TSPAN5: variants seen among roughly 807,000 people sequenced by gnomAD.
The protein encoded by TSPAN5 is tetraspanin-5.
In TSPAN5, 10 loss-of-function variants were observed where a neutral mutation model predicts 37.1. That is an observed-to-expected ratio of 0.27 (90% CI 0.17 to 0.46). The LOEUF (loss-of-function observed/expected upper bound fraction) is 0.46, where lower values mean the gene tolerates loss of function less well. TSPAN5 is among the 20% of genes least tolerant of loss of function. TSPAN5 has a pLI of 1.00. For missense variants in TSPAN5, 195 were observed against 326.6 expected (o/e 0.60, Z 3.11); for synonymous variants, 110 against 118.9 (o/e 0.93, Z 0.48).
chr4:98,487,031 G>A (rs1752977971), intron 2 of TSPAN5, 147 bp from the exon 3 acceptor site: 3 of 589,254 alleles, frequency 5.1e-6, no homozygotes, highest in East Asian at 3.1e-5. Flanking sequence ...ATACTTAAGA[G>A]AGGAAAGAAA....
At chr4:98,574,753 C>T (rs1294793744) in intron 1 of TSPAN5, 3 of 152,176 alleles carry the variant, frequency 2.0e-5, no homozygotes, top group Admixed American at 1.3e-4. Context: ...CCTAAAAGCA[C>T]GAAGGGTGCC....
At chr4:98,615,589 G>A (rs1269302042) in intron 1 of TSPAN5, among the ~76,000 whole-genome samples, 1 of 152,220 alleles carries the variant, frequency 6.6e-6, no homozygotes, top group African/African-American at 2.4e-5. Flanking sequence ...GGGAGGCCAA[G>A]GCAGGCAGAT....
chr4:98,553,717 A>G (rs1220082821), intron 1 of TSPAN5, among the ~76,000 whole-genome samples: 1 of 152,184 alleles, frequency 6.6e-6, no homozygotes, highest in Non-Finnish European at 1.5e-5. Context: ...GGGCAAGACC[A>G]TGCAAAACCA....
chr4:98,494,031 C>T (rs901321080), intron 2 of TSPAN5, among the ~76,000 whole-genome samples: 1 of 152,156 alleles, frequency 6.6e-6, no homozygotes, highest in Non-Finnish European at 1.5e-5. Context: ...CATAACTTAG[C>T]AAAGAGACCA....
chr4:98,477,370 T>G, intron 5 of TSPAN5, among the ~76,000 whole-genome samples: 1 of 152,170 alleles, frequency 6.6e-6, no homozygotes, highest in East Asian at 1.9e-4. Context: ...GAGAAACAGC[T>G]GAGGTGGTCC....
intron 1 of TSPAN5, among the ~76,000 whole-genome samples, chr4:98,637,597 A>C (rs2110272711): frequency 6.6e-6 from 1 of 152,318 alleles, no homozygotes. Flanking sequence ...TCTTAATTTC[A>C]GGCCTAATTA....
intron 1 of TSPAN5, among the ~76,000 whole-genome samples, chr4:98,554,086 A>AT (rs1754685293): frequency 6.6e-6 from 1 of 151,876 alleles, no homozygotes; most frequent in Admixed American, 6.6e-5. Context: ...TAAATTAAAA[A>AT]AAAAATGTAA....
intron 1 of TSPAN5, among the ~76,000 whole-genome samples, chr4:98,613,127 G>A (rs1364117777): frequency 7.4e-6 from 1 of 135,294 alleles, no homozygotes; most frequent in Non-Finnish European, 1.5e-5. Flanking sequence ...TCTGGGTTGA[G>A]GGCAAAACCT....
At chr4:98,623,609 A>C (rs1177390627) in intron 1 of TSPAN5, among the ~76,000 whole-genome samples, 2 of 152,204 alleles carry the variant, frequency 1.3e-5, no homozygotes, top group Admixed American at 6.5e-5. Context: ...CAAATAATTA[A>C]ATTTTAACTT....
chr4:98,654,255 A>G (rs937800605), intron 1 of TSPAN5, among the ~76,000 whole-genome samples: 10 of 152,170 alleles, frequency 6.6e-5, no homozygotes, highest in Non-Finnish European at 1.5e-4. Flanking sequence ...ATAATAAACA[A>G]CTGTGTTTTA....
chr4:98,531,548 A>C (rs1754090260), intron 1 of TSPAN5, among the ~76,000 whole-genome samples: 1 of 152,206 alleles, frequency 6.6e-6, no homozygotes, highest in African/African-American at 2.4e-5. Flanking sequence ...GTGTCTTTAT[A>C]GAATGATTTA....
chr4:98,557,706 G>T (rs1250453209), intron 1 of TSPAN5, among the ~76,000 whole-genome samples: 1 of 152,218 alleles, frequency 6.6e-6, no homozygotes, highest in Non-Finnish European at 1.5e-5. Context: ...AAATCTGGCA[G>T]CGGATTGCAT....
chr4:98,583,682 C>T lies in TSPAN5; in HGVS notation c.81+74464G>A, dbSNP rs569443831. Among the ~76,000 whole-genome samples the T allele has an allele frequency of 1.1e-4, 17 of 152,364 alleles. No individual in the cohort carries two copies. In the South Asian group the frequency reaches 3.5e-3, roughly 32 times the overall value. On this transcript the variant is annotated intron_variant, in intron 1 of 7. Coordinates refer to ENST00000305798, the MANE Select transcript of TSPAN5 (RefSeq NM_005723.4). Reference sequence around the variant, plus strand: ...CGGGACTAACTCCTGCTCATCACTTCACTACACGGCCTTGGCCATGCTGCT... The same window carrying T: ...CGGGACTAACTCCTGCTCATCACTTTACTACACGGCCTTGGCCATGCTGCT...
At chr4:98,551,068 T>C (rs1754603805) in intron 1 of TSPAN5, among the ~76,000 whole-genome samples, 1 of 152,180 alleles carries the variant, frequency 6.6e-6, no homozygotes. Context: ...GTCTCGTATG[T>C]TGAAGACTTT....
chr4:98,605,966 G>A (rs2110226825), intron 1 of TSPAN5, among the ~76,000 whole-genome samples: 1 of 152,268 alleles, frequency 6.6e-6, no homozygotes, highest in South Asian at 2.1e-4. Flanking sequence ...GGCTCATGTT[G>A]ACACCACCAT....
chr4:98,491,071 A>C (rs1440880217), intron 2 of TSPAN5, among the ~76,000 whole-genome samples: 4 of 152,158 alleles, frequency 2.6e-5, no homozygotes, highest in Non-Finnish European at 5.9e-5. Flanking sequence ...CAGAAAAAAA[A>C]AAAATTGTAT....
intron 2 of TSPAN5, among the ~76,000 whole-genome samples, chr4:98,503,231 C>T (rs534061955): frequency 3.3e-5 from 5 of 151,964 alleles, no homozygotes; most frequent in South Asian, 4.2e-4. Flanking sequence ...CTGCAGACAC[C>T]GTGATCTACA....
intron 1 of TSPAN5, among the ~76,000 whole-genome samples, chr4:98,549,393 C>T (rs1754554607): frequency 6.6e-6 from 1 of 151,622 alleles, no homozygotes; most frequent in South Asian, 2.1e-4. Flanking sequence ...ACCTCTGCCT[C>T]TCGGGTTTAA....
At chr4:98,472,631 C>T (rs1254132224) in intron 7 of TSPAN5, 44 bp from the exon 8 acceptor site, 1 of 1,529,728 alleles carries the variant, frequency 6.5e-7, no homozygotes, top group Admixed American at 1.7e-5. Context: ...ACACTTGTAA[C>T]TTGTTTCCCT....
Sources: gnomAD v4.1 joint callset for allele counts (sites outside exome capture counted in the v4.1 genomes callset) on GRCh38, gnomAD v4.1.1 for gene constraint, MANE v1.5 for transcripts, NCBI Gene and HGNC (gene_info 2026-07-23, HGNC 2026-07-21) for gene names.